Variants in PCDH15 observed in about 807,000 individuals in gnomAD.
PCDH15 encodes protocadherin related 15, also known as protocadherin-15.
In PCDH15, 129 loss-of-function variants were observed where a neutral mutation model predicts 178.5. That is an observed-to-expected ratio of 0.72 (90% confidence interval 0.63 to 0.84). The LOEUF (loss-of-function observed/expected upper bound fraction) is 0.84. Among genes scored for constraint, PCDH15 ranks in the 40% least tolerant of loss-of-function variants. PCDH15 has a pLI of 0.00. For synonymous variants in PCDH15, 800 were observed against 732.0 expected, an observed-to-expected ratio of 1.09 and a Z score of -1.50; for missense variants, 2,230 against 2,099.9, an observed-to-expected ratio of 1.06 and a Z score of -1.21.
At chr10:54,027,550 G>C (rs1044693987) in intron 18 of PCDH15, among the ~76,000 whole-genome samples, 5 of 149,444 alleles carry the variant, frequency 3.3e-5, no homozygotes, top group African/African-American at 1.3e-4. Context: ...ATACTACAAG[G>C]CTACAGTAAC....
chr10:55,332,416 G>T (rs755619135), intron 2 of PCDH15, among the ~76,000 whole-genome samples: 1 of 152,076 alleles, frequency 6.6e-6, no homozygotes, highest in African/African-American at 2.4e-5. Context: ...GGCAAATTGT[G>T]TGTCAATAAC....
chr10:54,347,540 TA>T (rs2134193247), intron 5 of PCDH15, among the ~76,000 whole-genome samples: 1 of 152,276 alleles, frequency 6.6e-6, no homozygotes, highest in African/African-American at 2.4e-5. Flanking sequence ...TCCTTGATGG[TA>T]AAAATAGCTT....
At position 54,535,433 on chromosome 10, in the gene PCDH15, G is replaced by A. The variant is rs144624301; in HGVS notation, c.92-7556C>T. 8.3e-3 allele frequency among the ~76,000 whole-genome samples: 1,270 copies of A among 152,190 alleles called. 17 individuals carry two copies. Among genetic ancestry groups the A allele is most frequent in the African/African-American group, 0.029 (1,195 of 41,532 alleles). On this transcript the variant is annotated intron_variant, in intron 2 of 37. Coordinates refer to ENST00000644397, the MANE Select transcript of PCDH15 (RefSeq NM_001384140.1). The stretch of plus-strand genomic sequence containing the variant: ...ATACTTAGTCTTAAGAAGTTTGGCC[G>A]GATGCGGTGGCTCACGCCTGTAATC...
intron 3 of PCDH15, among the ~76,000 whole-genome samples, chr10:54,460,981 T>C (rs998095143): frequency 1.2e-4 from 19 of 152,082 alleles, no homozygotes; most frequent in Non-Finnish European, 1.9e-4. Flanking sequence ...GATAAACAGA[T>C]ACAAAGTGCC....
chr10:55,143,625 A>G (rs1038394010), intron 2 of PCDH15, among the ~76,000 whole-genome samples: 1 of 151,480 alleles, frequency 6.6e-6, no homozygotes, highest in Non-Finnish European at 1.5e-5. Flanking sequence ...TCACATTAAC[A>G]TTTGAATTTT....
chr10:55,563,052 G>A (rs1268446698), intron 2 of PCDH15, among the ~76,000 whole-genome samples: 5 of 151,944 alleles, frequency 3.3e-5, no homozygotes, highest in East Asian at 1.9e-4. Flanking sequence ...AGCTGTGCAC[G>A]TATTTCTGCT....
intron 3 of PCDH15, among the ~76,000 whole-genome samples, chr10:54,418,176 A>C (rs1589295666): frequency 6.7e-6 from 1 of 149,042 alleles, no homozygotes; most frequent in East Asian, 1.9e-4. Flanking sequence ...AAGAAGGTAA[A>C]ATCAATTAAG....
intron 18 of PCDH15, among the ~76,000 whole-genome samples, chr10:54,065,641 T>G (rs1445155146): frequency 6.6e-6 from 1 of 152,238 alleles, no homozygotes; most frequent in East Asian, 1.9e-4. Context: ...CATAAACATA[T>G]AAGGTTATGT....
chr10:55,246,074 G>A (rs1406191606), intron 1 of PCDH15, among the ~76,000 whole-genome samples: 1 of 152,142 alleles, frequency 6.6e-6, no homozygotes, highest in Non-Finnish European at 1.5e-5. Flanking sequence ...TTGCATCAAT[G>A]GCCCAGAAAT....
chr10:54,143,673 A>AT (rs540626480), intron 14 of PCDH15, among the ~76,000 whole-genome samples: 2 of 152,034 alleles, frequency 1.3e-5, no homozygotes, highest in East Asian at 1.9e-4. Flanking sequence ...AATATTGCTG[A>AT]TTTTTTTGTT....
chr10:55,602,474 A>G (rs1464762845), intron 2 of PCDH15, among the ~76,000 whole-genome samples: 2 of 152,118 alleles, frequency 1.3e-5, no homozygotes, highest in African/African-American at 2.4e-5. Flanking sequence ...ACCTCTGCAG[A>G]CTTAAATGTC....
Position 54,825,657 on chromosome 10 carries a change from C to A in PCDH15, c.-29+71793G>T, listed in dbSNP as rs573165247. Among the ~76,000 whole-genome samples the A allele has an allele frequency of 5.5e-4, 84 of 151,704 alleles. 1 individual carries two copies. Among genetic ancestry groups the A allele is most frequent in the Admixed American group, 1.8e-3 (28 of 15,182 alleles). ...GAGCATTTTTTCATGTGTTTTTTGG[C>A]TGCATAAATGTCTTCTTTTGAGAAG... is the stretch of plus-strand genomic sequence containing the variant. On this transcript the variant is annotated intron_variant, in intron 3 of 5. Transcript: ENST00000458638.
chr10:54,410,096 C>T (rs576336570), intron 3 of PCDH15, among the ~76,000 whole-genome samples: 2 of 152,260 alleles, frequency 1.3e-5, no homozygotes, highest in South Asian at 2.1e-4. Flanking sequence ...CTGTATAACA[C>T]ATCAATTAAA....
intron 21 of PCDH15, among the ~76,000 whole-genome samples, chr10:53,974,947 T>C (rs2090067724): frequency 6.6e-6 from 1 of 152,154 alleles, no homozygotes; most frequent in South Asian, 2.1e-4. Context: ...CCACCTCCTC[T>C]AATAGTCTCC....
chr10:55,143,983 A>T (rs1838424856), intron 2 of PCDH15, among the ~76,000 whole-genome samples: 1 of 146,358 alleles, frequency 6.8e-6, no homozygotes, highest in African/African-American at 2.5e-5. Flanking sequence ...TAGGACCTAG[A>T]GAAATTTCAG....
chr10:53,993,368 T>A (rs2091648480), intron 21 of PCDH15, among the ~76,000 whole-genome samples: 1 of 152,200 alleles, frequency 6.6e-6, no homozygotes, highest in Admixed American at 6.5e-5. Flanking sequence ...GGCTTAGAGT[T>A]AGACATGAGA....
At chr10:54,890,565 C>A (rs1454079609) in intron 3 of PCDH15, among the ~76,000 whole-genome samples, 1 of 151,902 alleles carries the variant, frequency 6.6e-6, no homozygotes, top group Non-Finnish European at 1.5e-5. Context: ...TTTGAGGTCC[C>A]ATGTGCTGCC....
intron 2 of PCDH15, among the ~76,000 whole-genome samples, chr10:54,608,375 T>C (rs2092840479): frequency 6.6e-6 from 1 of 151,364 alleles, no homozygotes; most frequent in Non-Finnish European, 1.5e-5. Flanking sequence ...GAGAGGCTGA[T>C]GTGGGAGAAA....
At chr10:54,659,351 C>A (rs549801875) in intron 2 of PCDH15, among the ~76,000 whole-genome samples, 1 of 152,252 alleles carries the variant, frequency 6.6e-6, no homozygotes, top group East Asian at 1.9e-4. Flanking sequence ...GTGCATGGAA[C>A]GTTCTCTAAA....
Sources: gnomAD v4.1 joint callset for allele counts (sites outside exome capture counted in the v4.1 genomes callset) on GRCh38, gnomAD v4.1.1 for gene constraint, MANE v1.5 for transcripts, NCBI Gene and HGNC (gene_info 2026-07-23, HGNC 2026-07-21) for gene names.